Variants in VTCN1 observed in about 807,000 individuals in gnomAD.
VTCN1 encodes the protein V-set domain containing T cell activation inhibitor 1, also known as V-set domain-containing T-cell activation inhibitor 1.
Under a neutral mutation model 26.5 loss-of-function variants are expected in VTCN1, and 26 were observed. The ratio of observed to expected loss-of-function variants is 0.98; its 90% CI spans 0.72 to 1.36. VTCN1 has a LOEUF of 1.36. Among genes scored for constraint, VTCN1 ranks in the 40% most tolerant of loss-of-function variants. The pLI, the probability that VTCN1 is intolerant of heterozygous loss-of-function variation, is 0.00. For synonymous variants in VTCN1, 116 were observed against 130.7 expected, an observed-to-expected ratio of 0.89 and a Z score of 0.77; for missense variants, 298 against 337.7, an observed-to-expected ratio of 0.88 and a Z score of 0.92.
At chr1:117,163,293 C>A (rs890385333) in intron 2 of VTCN1, among the ~76,000 whole-genome samples, 1 of 152,176 alleles carries the variant, frequency 6.6e-6, no homozygotes, top group African/African-American at 2.4e-5. Flanking sequence ...GGATATGTGA[C>A]CTTGGTCAAG....
intron 4 of VTCN1, among the ~76,000 whole-genome samples, chr1:117,149,692 T>C (rs545387204): frequency 5.3e-5 from 8 of 152,344 alleles, no homozygotes; most frequent in African/African-American, 1.7e-4. Context: ...TTCATTTCAG[T>C]ATCTCAGGGG....
Position 117,156,856 on chromosome 1 carries a change from TC to T in VTCN1, c.162del (p.Ser55AlafsTer14), listed in dbSNP as rs1281529262. On this transcript the variant is annotated frameshift_variant, in exon 3 of 6. Coordinates refer to ENST00000369458, the MANE Select transcript of VTCN1 (RefSeq NM_024626.4). LOFTEE classifies it high-confidence loss of function. ...TTGATGTCAGGTTCAAAAGTGCAGC[TC>T]AGGATTCCATCCTCCCCAATGTTCC... ...SAGNIGEDGI[L>X]SCTFEPDIKL... The T allele has an allele frequency of 6.2e-7, 1 of 1,614,082 alleles. No individual in the cohort carries two copies.
chr1:117,178,407 C>T (rs1329341502), intron 1 of VTCN1, among the ~76,000 whole-genome samples: 1 of 151,158 alleles, frequency 6.6e-6, no homozygotes, highest in Non-Finnish European at 1.5e-5. Flanking sequence ...CAGGCATGTG[C>T]CACCATGCCT....
At chr1:117,200,035 T>A (rs755639893) in intron 1 of VTCN1, among the ~76,000 whole-genome samples, 2 of 152,160 alleles carry the variant, frequency 1.3e-5, no homozygotes, top group African/African-American at 2.4e-5. Flanking sequence ...ATTGTATTAA[T>A]AACTATGTAA....
intron 1 of VTCN1, chr1:117,173,089 A>G (rs752028139): frequency 2.8e-6 from 2 of 705,782 alleles, no homozygotes; most frequent in South Asian, 1.5e-5. Context: ...CCGCAGCTTC[A>G]TTCCTGAAGT....
At chr1:117,203,595 G>A (rs1648900999) in intron 1 of VTCN1, 1 of 985,156 alleles carries the variant, frequency 1.0e-6, no homozygotes, top group African/African-American at 1.7e-5. Context: ...CACACAGAGA[G>A]AAATGTAGCC....
chr1:117,176,114 A>C (rs74111988), intron 1 of VTCN1, among the ~76,000 whole-genome samples: 2 of 152,146 alleles, frequency 1.3e-5, no homozygotes, highest in Non-Finnish European at 2.9e-5. Context: ...TCAGAGGTCC[A>C]TGGCATGGCA....
rs1393320903 is a variant in VTCN1, at chr1:117,146,768, C to T, written c.*45+845G>A. Among the ~76,000 whole-genome samples, 2 of 152,104 alleles carry T rather than the reference C, an allele frequency of 1.3e-5. No homozygotes were observed. Among genetic ancestry groups the T allele is most frequent in the Non-Finnish European group, 2.9e-5 (2 of 68,028 alleles). ...TATGCCCAGAGAGTCACTTTAGGCTCTGGAGCAAAGGAAGGCTATGATGAA... is the reference window on the plus strand; with the variant it reads ...TATGCCCAGAGAGTCACTTTAGGCTTTGGAGCAAAGGAAGGCTATGATGAA... On this transcript the variant is annotated intron_variant, in intron 5 of 5. Coordinates refer to ENST00000369458, the MANE Select transcript of VTCN1 (RefSeq NM_024626.4). This position sits in a 1 kb window ranked among gnomAD's most constrained non-coding sequence, Gnocchi z 4.2.
At chr1:117,198,867 A>G (rs993823369) in intron 1 of VTCN1, among the ~76,000 whole-genome samples, 4 of 152,342 alleles carry the variant, frequency 2.6e-5, no homozygotes, top group Non-Finnish European at 4.4e-5. Context: ...TTACAAAAAA[A>G]GCCAATGTGG....
intron 2 of VTCN1, among the ~76,000 whole-genome samples, chr1:117,168,678 G>A (rs1045016021): frequency 6.6e-6 from 1 of 151,956 alleles, no homozygotes; most frequent in African/African-American, 2.4e-5. Context: ...GATAAAGAAG[G>A]AATTACCTAC....
At chr1:117,149,217 T>C (rs932930105) in intron 4 of VTCN1, among the ~76,000 whole-genome samples, 2 of 151,944 alleles carry the variant, frequency 1.3e-5, no homozygotes, top group African/African-American at 2.4e-5. Context: ...CTGGGTACAC[T>C]ATGGGCATTT....
In VTCN1 at chr1:117,159,021, A is replaced by C. The variant is rs1239958308; in HGVS notation, c.98-2100T>G. On this transcript the variant is annotated intron_variant, in intron 2 of 5. Coordinates refer to ENST00000369458, the MANE Select transcript of VTCN1 (RefSeq NM_024626.4). The surrounding 1 kb of genome is among the most constrained non-coding windows in gnomAD (Gnocchi z 4.7). ...TCTGGACCTTATTGTCCATATCACT[A>C]TAAGGCTTTTGGTCAAAGCCATTCA... Among the ~76,000 whole-genome samples, 3 of 152,348 alleles carry C rather than the reference A, an allele frequency of 2.0e-5. No individual in the cohort carries two copies. Among genetic ancestry groups the C allele is most frequent in the Non-Finnish European group, 1.5e-5 (1 of 68,038 alleles).
In VTCN1 at chr1:117,173,025, C is replaced by T. The variant is rs577572249; in HGVS notation, c.33-2854G>A. 3.3e-5 allele frequency among the ~76,000 whole-genome samples: 5 copies of T among 152,306 alleles called. No individual in the cohort carries two copies. The South Asian group carries it at 6.2e-4, about 19-fold the overall frequency. On this transcript the variant is annotated intron_variant, in intron 1 of 5. Coordinates refer to ENST00000369458, the MANE Select transcript of VTCN1 (RefSeq NM_024626.4). Reference sequence around the variant, plus strand: ...CTCTTCACAGTAAATCTTGCTGCTGCTCCCTCTTTGGGTCTGCACTACCTT... The same window carrying T: ...CTCTTCACAGTAAATCTTGCTGCTGTTCCCTCTTTGGGTCTGCACTACCTT...
At chr1:117,198,447 G>C (rs1419391040) in intron 1 of VTCN1, among the ~76,000 whole-genome samples, 1 of 152,206 alleles carries the variant, frequency 6.6e-6, no homozygotes, top group African/African-American at 2.4e-5. Context: ...GTCCTGGCCG[G>C]CCATTGTTTC....
intron 3 of VTCN1, among the ~76,000 whole-genome samples, chr1:117,154,681 G>A (rs997291174): frequency 2.0e-5 from 3 of 151,482 alleles, no homozygotes; most frequent in African/African-American, 7.3e-5. Context: ...TACTTGGGAG[G>A]CTGAGGCAGG....
Position 117,169,987 on chromosome 1 carries a change from T to A in VTCN1, c.97+120A>T. On this transcript the variant is annotated intron_variant, in intron 2 of 5. Coordinates refer to ENST00000369458, the MANE Select transcript of VTCN1 (RefSeq NM_024626.4). The surrounding 1 kb of genome is among the most constrained non-coding windows in gnomAD (Gnocchi z 4.0). ...AAAGCACAAGAAGTAGAAGAATGAA[T>A]GCTATACTCTGAGGTTTTCTGGGTC... The A allele has an allele frequency of 1.2e-6, 1 of 861,784 alleles. No homozygotes were observed. The highest frequency in any genetic ancestry group is 1.9e-6 in the Non-Finnish European group (1 of 519,856). 53.4% of individuals were successfully genotyped at this position (861,784 alleles called of 1,614,324 possible). A position where few individuals can be genotyped will look rare whatever the true frequency, so the allele number is the denominator to read the frequency against.
At chr1:117,163,154 A>G (rs139267386) in intron 2 of VTCN1, among the ~76,000 whole-genome samples, 423 of 152,352 alleles carry the variant, frequency 2.8e-3, no homozygotes, top group Middle Eastern at 6.8e-3. Context: ...CTTCCGTGAG[A>G]AGAAATTTAA....
chr1:117,195,247 C>G (rs904863090), intron 1 of VTCN1, among the ~76,000 whole-genome samples: 1 of 142,966 alleles, frequency 7.0e-6, no homozygotes, highest in Non-Finnish European at 1.5e-5. Context: ...GGAGAGAGAG[C>G]AAGACTCCGT....
chr1:117,184,210 C>T (rs1647818939), intron 1 of VTCN1, among the ~76,000 whole-genome samples: 1 of 152,152 alleles, frequency 6.6e-6, no homozygotes, highest in Non-Finnish European at 1.5e-5. Context: ...ACTCCCCCTG[C>T]CCCAGCTTTG....
Sources: allele counts gnomAD v4.1 joint callset (sites outside exome capture counted in the v4.1 genomes callset), GRCh38; gene constraint gnomAD v4.1.1; non-coding constraint Gnocchi (gnomAD v3.1); transcripts MANE v1.5; gene names NCBI Gene and HGNC (gene_info 2026-07-23, HGNC 2026-07-21).